NTM: variants seen among roughly 807,000 people sequenced by gnomAD.
The protein encoded by NTM is IgLON family member 2.
A neutral mutation model predicts 42.1 loss-of-function variants in NTM; 13 were observed. The ratio of observed to expected loss-of-function variants is 0.31; its 90% CI spans 0.20 to 0.49. NTM has a LOEUF of 0.49. Ranked by LOEUF, NTM falls within the 20% of genes least tolerant of loss-of-function variation. NTM has a pLI of 0.99. For synonymous variants in NTM, 187 were observed against 179.2 expected (o/e 1.04, Z -0.35); for missense variants, 373 against 452.8 (o/e 0.82, Z 1.60).
chr11:131,890,523 T>C (rs998440610), intron 1 of NTM, among the ~76,000 whole-genome samples: 1 of 152,212 alleles, frequency 6.6e-6, no homozygotes, highest in Non-Finnish European at 1.5e-5. Context: ...TCCTTTTTTG[T>C]AAGGCAAAGT....
intron 2 of NTM, among the ~76,000 whole-genome samples, chr11:132,121,511 A>G (rs75642192): frequency 0.042 from 6,444 of 152,328 alleles, 179 homozygotes; most frequent in Middle Eastern, 0.11. Context: ...TATGAAGTAC[A>G]GAAAATATGA....
chr11:131,899,509 G>A (rs7117235), intron 1 of NTM, among the ~76,000 whole-genome samples: 6,999 of 152,174 alleles, frequency 0.046, 527 homozygotes, highest in African/African-American at 0.16. Context: ...CTGGGTAGAT[G>A]GGACCATGAC....
intron 1 of NTM, among the ~76,000 whole-genome samples, chr11:131,373,484 G>A (rs965757479): frequency 2.0e-5 from 3 of 151,982 alleles, no homozygotes; most frequent in African/African-American, 7.3e-5. Flanking sequence ...AGGTAGGGAG[G>A]GGGGTTTCTG....
intron 1 of NTM, among the ~76,000 whole-genome samples, chr11:131,553,753 G>A (rs1361602628): frequency 6.6e-6 from 1 of 152,110 alleles, no homozygotes; most frequent in Non-Finnish European, 1.5e-5. Flanking sequence ...TGTTCTCAGA[G>A]GGACCCTCCC....
chr11:132,124,622 TGCGCGC>T (rs912279184), intron 2 of NTM, among the ~76,000 whole-genome samples: 2 of 152,124 alleles, frequency 1.3e-5, no homozygotes, highest in Non-Finnish European at 2.9e-5. Context: ...TGTGTGTGTG[TGCGCGC>T]GCACGCGCAG....
At chr11:132,145,973 A>G (rs2137324338) in intron 2 of NTM, among the ~76,000 whole-genome samples, 1 of 152,364 alleles carries the variant, frequency 6.6e-6, no homozygotes, top group South Asian at 2.1e-4. Flanking sequence ...GAGCAAAGGG[A>G]GAACTGGTAG....
chr11:131,443,646 G>A (rs1435920049), intron 1 of NTM, among the ~76,000 whole-genome samples: 6 of 152,154 alleles, frequency 3.9e-5, no homozygotes, highest in Non-Finnish European at 5.9e-5. Context: ...CTAACTGTGG[G>A]CTGGACTTAT....
intron 2 of NTM, among the ~76,000 whole-genome samples, chr11:132,015,796 T>C (rs565673239): frequency 6.6e-6 from 1 of 152,008 alleles, no homozygotes; most frequent in Non-Finnish European, 1.5e-5. Flanking sequence ...AATTTTTAAA[T>C]CAGATCTAAT....
At chr11:131,698,387 G>A (rs758356741) in intron 1 of NTM, among the ~76,000 whole-genome samples, 1 of 152,076 alleles carries the variant, frequency 6.6e-6, no homozygotes, top group African/African-American at 2.4e-5. Flanking sequence ...ATCATCACTA[G>A]CGACATCATC....
intron 2 of NTM, among the ~76,000 whole-genome samples, chr11:131,972,901 C>G (rs1265399070): frequency 6.6e-6 from 1 of 152,170 alleles, no homozygotes. Flanking sequence ...GTGTCTCATT[C>G]AGCGATGTCT....
At chr11:131,852,242 TG>T (rs761623049) in intron 1 of NTM, among the ~76,000 whole-genome samples, 41 of 152,146 alleles carry the variant, frequency 2.7e-4, no homozygotes, top group Non-Finnish European at 5.7e-4. Context: ...GACAGACAGA[TG>T]ATCTATGGGA....
chr11:131,849,831 G>T, intron 1 of NTM, among the ~76,000 whole-genome samples: 1 of 139,378 alleles, frequency 7.2e-6, no homozygotes, highest in Non-Finnish European at 1.5e-5. Context: ...TGGGGTGGGG[G>T]GCGGGGGGAG....
intron 2 of NTM, among the ~76,000 whole-genome samples, chr11:132,033,014 G>A (rs1030588418): frequency 1.3e-5 from 2 of 152,170 alleles, no homozygotes; most frequent in African/African-American, 4.8e-5. Flanking sequence ...CCAACCAAAG[G>A]TAAGTAAAGG....
chr11:131,659,901 T>G (rs1420134799), intron 1 of NTM, among the ~76,000 whole-genome samples: 1 of 151,822 alleles, frequency 6.6e-6, no homozygotes, highest in Admixed American at 6.6e-5. Context: ...TTAAGAAGAG[T>G]CTAAAAGGAA....
chr11:131,827,821 T>C (rs1022205517), intron 1 of NTM, among the ~76,000 whole-genome samples: 7 of 152,226 alleles, frequency 4.6e-5, no homozygotes, highest in Non-Finnish European at 2.9e-5. Flanking sequence ...TCAAATTTTC[T>C]GGACAGCTAC....
At chr11:131,566,649 G>A (rs2056919830) in intron 1 of NTM, among the ~76,000 whole-genome samples, 2 of 152,206 alleles carry the variant, frequency 1.3e-5, no homozygotes, top group Admixed American at 1.3e-4. Flanking sequence ...AAGGCACCTT[G>A]CACCTCTTAG....
At chr11:131,411,593 G>C (rs1946431845) in intron 1 of NTM, among the ~76,000 whole-genome samples, 1 of 149,906 alleles carries the variant, frequency 6.7e-6, no homozygotes, top group Non-Finnish European at 1.5e-5. Context: ...GTGTGTACTT[G>C]AGAGCTGGGG....
intron 7 of NTM, among the ~76,000 whole-genome samples, chr11:132,327,833 T>C (rs1276769965): frequency 1.1e-4 from 15 of 139,396 alleles, no homozygotes; most frequent in East Asian, 8.8e-4. Context: ...CTCCCTCCCT[T>C]CCTTCCTTCC....
chr11:132,310,126 T>C lies in NTM; in HGVS notation c.676T>C (p.Ser226Pro), dbSNP rs2095237865. The change falls in exon 6 of 9, where the codon TCA (serine) becomes CCA (proline). Residue 226 changes from serine to proline, a missense_variant. By Grantham distance (74) the Ser-to-Pro change is moderately conservative. Around this residue, in one of 3 missense-constraint regions of NTM, gnomAD observed 312 missense variants for 353.5 expected, o/e 0.88. Coordinates refer to ENST00000683400, the MANE Select transcript of NTM (RefSeq NM_001352005.2). ...TCTTTTTGCAGATCCACCATACATT[T>C]CAGAAGCCAAGGGTACAGGTGTCCC... ...KVTVNYPPYI[S>P]EAKGTGVPVG... 2 of 1,600,604 alleles carry C rather than the reference T, an allele frequency of 1.2e-6. No individual in the cohort carries two copies. Among genetic ancestry groups the C allele is most frequent in the Non-Finnish European group, 1.7e-6 (2 of 1,175,986 alleles).
Sources: allele counts gnomAD v4.1 joint callset (sites outside exome capture counted in the v4.1 genomes callset), GRCh38; gene constraint gnomAD v4.1.1; regional missense constraint gnomAD v4.1.1; transcripts MANE v1.5; gene names NCBI Gene and HGNC (gene_info 2026-07-23, HGNC 2026-07-21).